Variants in CCBE1 observed in about 807,000 individuals in gnomAD.
The protein encoded by CCBE1 is collagen and calcium binding EGF domains 1.
A neutral mutation model predicts 50.0 loss-of-function variants in CCBE1; 37 were observed. The observed-to-expected ratio is 0.74, with a 90% CI of 0.57 to 0.97. The LOEUF is 0.97. CCBE1 is among the 50% of genes least tolerant of loss of function. The pLI is 0.00. For missense variants in CCBE1, 538 were observed against 523.8 expected (o/e 1.03, Z -0.26); for synonymous variants, 234 against 203.7 (o/e 1.15, Z -1.27).
intron 2 of CCBE1, among the ~76,000 whole-genome samples, chr18:59,480,683 T>C (rs1912529769): frequency 6.6e-6 from 1 of 151,966 alleles, no homozygotes; most frequent in Admixed American, 6.6e-5. Context: ...AATTGTAATA[T>C]AACAATAATT....
At chr18:59,468,856 A>T (rs373082294) in intron 4 of CCBE1, among the ~76,000 whole-genome samples, 1 of 110,756 alleles carries the variant, frequency 9.0e-6, no homozygotes, top group Admixed American at 8.6e-5. Flanking sequence ...TTTTTTCCCC[A>T]AACGAGGACC....
intron 2 of CCBE1, among the ~76,000 whole-genome samples, chr18:59,541,844 A>G (rs1302301457): frequency 2.6e-5 from 4 of 151,170 alleles, no homozygotes; most frequent in Non-Finnish European, 5.9e-5. Context: ...AGAATTAAAG[A>G]GTCCAGATGC....
intron 2 of CCBE1, among the ~76,000 whole-genome samples, chr18:59,680,629 C>T (rs530196024): frequency 1.3e-5 from 2 of 150,770 alleles, no homozygotes; most frequent in African/African-American, 4.9e-5. Context: ...ACCCGGGAGG[C>T]GGAGGTTGCA....
chr18:59,508,132 C>T (rs983894858), intron 2 of CCBE1, among the ~76,000 whole-genome samples: 2 of 151,688 alleles, frequency 1.3e-5, no homozygotes, highest in African/African-American at 4.8e-5. Context: ...ACCTCATGAT[C>T]CGCCCGCCTC....
intron 2 of CCBE1, among the ~76,000 whole-genome samples, chr18:59,589,287 C>G (rs2053224411): frequency 2.0e-5 from 3 of 152,180 alleles, no homozygotes; most frequent in African/African-American, 7.2e-5. Flanking sequence ...AAAGCTTAAA[C>G]TCACCAATTT....
intron 2 of CCBE1, among the ~76,000 whole-genome samples, chr18:59,556,150 A>G (rs1315099671): frequency 2.6e-5 from 4 of 152,178 alleles, no homozygotes; most frequent in Admixed American, 2.0e-4. Context: ...CCTGCCGTGC[A>G]TGACACCTTG....
Position 59,572,707 on chromosome 18 carries a change from C to T in CCBE1, c.213-92469G>A, listed in dbSNP as rs573104946. The stretch of plus-strand genomic sequence containing the variant: ...TGCTTAATAGGGAGGCAGGGACAGT[C>T]TTCAGAGGGCAGGCAGCTGAAACTG... On this transcript the variant is annotated intron_variant, in intron 2 of 10. Coordinates refer to ENST00000439986, the MANE Select transcript of CCBE1 (RefSeq NM_133459.4). Among the ~76,000 whole-genome samples the T allele has an allele frequency of 3.9e-5, 6 of 152,288 alleles. No individual in the cohort carries two copies. In the South Asian group the frequency reaches 1.2e-3, roughly 32 times the overall value.
rs139574679 is a variant in CCBE1 at position 59,676,681 on chromosome 18, G to T, written c.212+19948C>A. 2.8e-3 allele frequency among the ~76,000 whole-genome samples: 433 copies of T among 152,182 alleles called. 1 individual carries two copies. The highest frequency in any genetic ancestry group is 5.4e-3 in the Non-Finnish European group (368 of 68,004). ...CTGCTCTGACATCTAGTCAGGAAAA[G>T]ACACAATAAATAAAGTACAAGCAAT... On this transcript the variant is annotated intron_variant, in intron 2 of 10. Transcript: ENST00000439986.
intron 2 of CCBE1, among the ~76,000 whole-genome samples, chr18:59,633,904 T>C (rs1317523199): frequency 6.6e-6 from 1 of 152,224 alleles, no homozygotes; most frequent in Non-Finnish European, 1.5e-5. Flanking sequence ...GGAAAATGTT[T>C]ATCAAATTAT....
chr18:59,622,801 CAA>C (rs1303288095), intron 2 of CCBE1, among the ~76,000 whole-genome samples: 4 of 65,714 alleles, frequency 6.1e-5, no homozygotes, highest in Admixed American at 3.8e-4. Flanking sequence ...GATTCCATCT[CAA>C]AAAAAAAAGA....
intron 2 of CCBE1, among the ~76,000 whole-genome samples, chr18:59,647,322 T>C (rs1568252299): frequency 6.6e-6 from 1 of 152,274 alleles, no homozygotes; most frequent in South Asian, 2.1e-4. Flanking sequence ...AATGACCATA[T>C]GTTATGTGAA....
chr18:59,687,156 G>T lies in CCBE1; in HGVS notation c.212+9473C>A, dbSNP rs114458156. On this transcript the variant is annotated intron_variant, in intron 2 of 10. Coordinates refer to ENST00000439986, the MANE Select transcript of CCBE1 (RefSeq NM_133459.4). ...ATTATCAAGAGCAATCCAAATGAAA[G>T]CTAAGAGGTCACAGTCACAGAAAAA... 7.6e-3 allele frequency among the ~76,000 whole-genome samples: 1,164 copies of T among 152,312 alleles called. 7 individuals are homozygous for T. The highest frequency in any genetic ancestry group is 0.024 in the African/African-American group (980 of 41,558).
At chr18:59,632,427 C>T (rs2053861360) in intron 2 of CCBE1, among the ~76,000 whole-genome samples, 2 of 152,086 alleles carry the variant, frequency 1.3e-5, no homozygotes, top group African/African-American at 4.8e-5. Flanking sequence ...GCATCCGCCA[C>T]CATGCCTGGC....
At chr18:59,695,566 C>A (rs1166083948) in intron 2 of CCBE1, among the ~76,000 whole-genome samples, 2 of 152,078 alleles carry the variant, frequency 1.3e-5, no homozygotes, top group African/African-American at 4.8e-5. Context: ...GCTTTTGCAC[C>A]CATAAACTGA....
chr18:59,587,527 T>A (rs2053195121), intron 2 of CCBE1, among the ~76,000 whole-genome samples: 1 of 152,224 alleles, frequency 6.6e-6, no homozygotes, highest in South Asian at 2.1e-4. Flanking sequence ...TTATAGGAAC[T>A]AACAGACTCC....
intron 2 of CCBE1, among the ~76,000 whole-genome samples, chr18:59,615,219 A>G (rs1488094533): frequency 3.9e-5 from 6 of 152,216 alleles, no homozygotes; most frequent in Non-Finnish European, 8.8e-5. Context: ...CTCTGATGGT[A>G]TAAACCGCTG....
intron 2 of CCBE1, among the ~76,000 whole-genome samples, chr18:59,651,421 C>A (rs542524348): frequency 6.6e-6 from 1 of 152,232 alleles, no homozygotes; most frequent in Non-Finnish European, 1.5e-5. Context: ...AACGAGACTG[C>A]ATGCCAAACG....
intron 2 of CCBE1, among the ~76,000 whole-genome samples, chr18:59,617,363 A>G (rs1424271141): frequency 6.6e-6 from 1 of 152,240 alleles, no homozygotes; most frequent in Non-Finnish European, 1.5e-5. Flanking sequence ...GTTTACTAAA[A>G]CTACCTTTGG....
intron 2 of CCBE1, among the ~76,000 whole-genome samples, chr18:59,507,912 G>A (rs1251195756): frequency 7.1e-6 from 1 of 140,088 alleles, no homozygotes. Context: ...TTTTTTTTGA[G>A]ATGGCATCTC....
Sources: gnomAD v4.1 joint callset for allele counts (sites outside exome capture counted in the v4.1 genomes callset) on GRCh38, gnomAD v4.1.1 for gene constraint, MANE v1.5 for transcripts, NCBI Gene and HGNC (gene_info 2026-07-23, HGNC 2026-07-21) for gene names.